Variants in PHF14 observed in about 807,000 individuals in gnomAD.
PHF14 encodes PHD finger protein 14.
A neutral mutation model predicts 117.9 loss-of-function variants in PHF14; 55 were observed. The observed-to-expected ratio is 0.47, with a 90% confidence interval of 0.38 to 0.58. PHF14 has a LOEUF of 0.58. Among genes scored for constraint, PHF14 ranks in the 20% least tolerant of loss-of-function variants. PHF14 has a pLI of 0.00. For missense variants in PHF14, 978 were observed against 1,122.2 expected (o/e 0.87, Z 1.84); for synonymous variants, 409 against 368.6 (o/e 1.11, Z -1.26).
chr7:10,982,643 G>A lies in PHF14; in HGVS notation c.384G>A (p.Glu128=). 1.3e-6 allele frequency: 2 copies of A among 1,550,236 alleles called. No individual in the cohort carries two copies. Among genetic ancestry groups the A allele is most frequent in the Non-Finnish European group, 1.7e-6 (2 of 1,143,710 alleles). The change falls in exon 3 of 18, where the codon GAG becomes GAA. Residue 128 remains glutamate, a synonymous_variant. Coordinates refer to ENST00000634607, the MANE Select transcript of PHF14 (RefSeq NM_001007157.2). ...AAAAAGAAAAGGAAAAGGAGAAAGA[G>A]AAGGAAAGAGAGAAGGAAAAAGAAA... ...EKEKEKEKEK[E]KEREKEKEKA...
chr7:11,134,715 G>A (rs1486716972), intron 17 of PHF14, among the ~76,000 whole-genome samples: 1 of 151,988 alleles, frequency 6.6e-6, no homozygotes, highest in Non-Finnish European at 1.5e-5. Flanking sequence ...CTATCATTAA[G>A]CACTTCAGAA....
chr7:11,053,176 C>T (rs1784899255), intron 14 of PHF14, among the ~76,000 whole-genome samples: 1 of 151,966 alleles, frequency 6.6e-6, no homozygotes, highest in African/African-American at 2.4e-5. Context: ...TAACAGTTTT[C>T]TCAAAAAACA....
At chr7:11,054,356 A>G (rs1282402615) in intron 14 of PHF14, among the ~76,000 whole-genome samples, 1 of 152,182 alleles carries the variant, frequency 6.6e-6, no homozygotes, top group Non-Finnish European at 1.5e-5. Flanking sequence ...GAAAATAACT[A>G]CTAATGGTGA....
chr7:11,016,932 TCTC>T (rs745410860), intron 5 of PHF14, among the ~76,000 whole-genome samples: 10 of 152,068 alleles, frequency 6.6e-5, no homozygotes, highest in South Asian at 4.2e-4. Flanking sequence ...TAACCATCCT[TCTC>T]CTGTCTGTGT....
At chr7:11,055,081 A>G (rs1275736140) in intron 14 of PHF14, among the ~76,000 whole-genome samples, 1 of 152,118 alleles carries the variant, frequency 6.6e-6, no homozygotes, top group Non-Finnish European at 1.5e-5. Context: ...CAGTGAAACT[A>G]TAGAATTATT....
chr7:11,041,529 C>G (rs541730746), intron 12 of PHF14, among the ~76,000 whole-genome samples: 78 of 151,636 alleles, frequency 5.1e-4, no homozygotes, highest in Non-Finnish European at 8.8e-4. Context: ...CTCAAAATTT[C>G]TTTCTCAGAA....
At chr7:11,068,702 A>G (rs1014952287) in intron 16 of PHF14, among the ~76,000 whole-genome samples, 4 of 152,216 alleles carry the variant, frequency 2.6e-5, no homozygotes, top group African/African-American at 9.6e-5. Context: ...TTTTACCACA[A>G]TTGATTTTTA....
At chr7:11,013,598 GTTTA>G (rs1474734673) in intron 4 of PHF14, 145 bp from the exon 5 acceptor site, 1 of 490,864 alleles carries the variant, frequency 2.0e-6, no homozygotes, top group Non-Finnish European at 3.6e-6. Context: ...TATAAAATGA[GTTTA>G]TTTCTGTATT....
At chr7:11,116,807 T>A (rs1287338716) in intron 17 of PHF14, among the ~76,000 whole-genome samples, 1 of 151,966 alleles carries the variant, frequency 6.6e-6, no homozygotes, top group Admixed American at 6.6e-5. Flanking sequence ...AACTTCAGTT[T>A]TTACAAAGTT....
chr7:10,974,441 C>G, intron 1 of PHF14, 117 bp downstream of exon 1: 1 of 868,582 alleles, frequency 1.2e-6, no homozygotes, highest in Non-Finnish European at 1.9e-6. Flanking sequence ...ATTGGTGGAC[C>G]CTCGCCCTCC....
At chr7:10,994,667 G>A (rs1342884942) in intron 4 of PHF14, among the ~76,000 whole-genome samples, 3 of 152,134 alleles carry the variant, frequency 2.0e-5, no homozygotes, top group East Asian at 1.9e-4. Flanking sequence ...GTGGATCCTC[G>A]CGGTGAGTGT....
chr7:11,127,177 A>C lies in PHF14; in HGVS notation c.2772+15710A>C, dbSNP rs980878064. On this transcript the variant is annotated intron_variant, in intron 17 of 17. Transcript: ENST00000634607. Reference sequence around the variant, plus strand: ...AAATCTTCTATTCTCAGCAGCTCAGACCTCCTTTAAACTGGGAAACCTGTA... The same window carrying C: ...AAATCTTCTATTCTCAGCAGCTCAGCCCTCCTTTAAACTGGGAAACCTGTA... 2.7e-5 allele frequency among the ~76,000 whole-genome samples: 4 copies of C among 150,304 alleles called. No homozygotes were observed. In the Admixed American group the frequency reaches 2.7e-4, roughly 10 times the overall value.
At chr7:11,036,900 C>T (rs1784338304) in intron 9 of PHF14, 85 bp from the exon 10 acceptor site, 1 of 994,044 alleles carries the variant, frequency 1.0e-6, no homozygotes, top group South Asian at 1.5e-5. Flanking sequence ...GTAGGTTTAT[C>T]AATGTGATCA....
chr7:11,049,675 A>G (rs1313127131), intron 13 of PHF14, among the ~76,000 whole-genome samples: 2 of 152,168 alleles, frequency 1.3e-5, no homozygotes, highest in Non-Finnish European at 2.9e-5. Flanking sequence ...TAGTTAACTA[A>G]CAATATCTAA....
At chr7:11,064,199 T>C (rs1188445026) in intron 16 of PHF14, among the ~76,000 whole-genome samples, 1 of 151,978 alleles carries the variant, frequency 6.6e-6, no homozygotes, top group Admixed American at 6.6e-5. Flanking sequence ...AAAGAATTTT[T>C]ATATAAAATT....
intron 12 of PHF14, among the ~76,000 whole-genome samples, chr7:11,041,440 G>GTGTA (rs1784502432): frequency 6.6e-6 from 1 of 151,732 alleles, no homozygotes; most frequent in Non-Finnish European, 1.5e-5. Flanking sequence ...GTGTGTGTGT[G>GTGTA]TGTATGTATG....
chr7:11,024,923 A>G (rs1011059485), intron 6 of PHF14, among the ~76,000 whole-genome samples: 4 of 152,254 alleles, frequency 2.6e-5, no homozygotes, highest in African/African-American at 4.8e-5. Context: ...TATAGCTGCC[A>G]TACATAGTGA....
At chr7:11,112,896 C>G (rs1391644381) in intron 17 of PHF14, among the ~76,000 whole-genome samples, 1 of 151,818 alleles carries the variant, frequency 6.6e-6, no homozygotes, top group African/African-American at 2.4e-5. Context: ...AATTATTTTC[C>G]AGGCATTTTA....
At chr7:10,990,005 C>A (rs2110376) in intron 3 of PHF14, among the ~76,000 whole-genome samples, 89,915 of 151,980 alleles carry the variant, frequency 0.59, 27,100 homozygotes, top group Middle Eastern at 0.69. Context: ...TAGAGACCTA[C>A]TTAATAGAGT....
Sources: allele counts gnomAD v4.1 joint callset (sites outside exome capture counted in the v4.1 genomes callset), GRCh38; gene constraint gnomAD v4.1.1; transcripts MANE v1.5; gene names NCBI Gene and HGNC (gene_info 2026-07-23, HGNC 2026-07-21).